Variants in NOVA1 observed in about 807,000 individuals in gnomAD.
NOVA1 encodes NOVA alternative splicing regulator 1.
NOVA1 carries 7 observed loss-of-function variants against 38.0 expected under a neutral mutation model. The observed-to-expected ratio is 0.18, with a 90% CI of 0.10 to 0.35. The LOEUF (loss-of-function observed/expected upper bound fraction) is 0.35. Among genes scored for constraint, NOVA1 ranks in the 10% least tolerant of loss-of-function variants. NOVA1 has a pLI of 1.00. For missense variants in NOVA1, 460 were observed against 616.0 expected, an observed-to-expected ratio of 0.75 and a Z score of 2.68; for synonymous variants, 270 against 232.5, an observed-to-expected ratio of 1.16 and a Z score of -1.47.
chr14:26,521,709 A>G (rs1252889772), intron 2 of NOVA1, among the ~76,000 whole-genome samples: 1 of 152,118 alleles, frequency 6.6e-6, no homozygotes, highest in Non-Finnish European at 1.5e-5. Context: ...GTAAAAGTAG[A>G]TATGTTAGAA....
intron 2 of NOVA1, among the ~76,000 whole-genome samples, chr14:26,541,611 G>A (rs1279650544): frequency 6.7e-6 from 1 of 148,898 alleles, no homozygotes. Context: ...CCCCGAGTAT[G>A]CTTTCAAAAA....
At chr14:26,547,187 A>G (rs1284257395) in intron 2 of NOVA1, among the ~76,000 whole-genome samples, 1 of 152,156 alleles carries the variant, frequency 6.6e-6, no homozygotes, top group Non-Finnish European at 1.5e-5. Context: ...CAAAATTATT[A>G]AGTGAGTGCT....
intron 2 of NOVA1, among the ~76,000 whole-genome samples, chr14:26,501,545 T>C (rs1050471691): frequency 6.6e-6 from 1 of 151,972 alleles, no homozygotes; most frequent in African/African-American, 2.4e-5. Flanking sequence ...ATGTTGGCAA[T>C]ACATATGAAG....
intron 4 of NOVA1, among the ~76,000 whole-genome samples, chr14:26,459,515 C>A (rs543687812): frequency 1.3e-5 from 2 of 152,018 alleles, no homozygotes; most frequent in Admixed American, 6.6e-5. Context: ...CATCATTAAG[C>A]AAATGACTGT....
intron 2 of NOVA1, among the ~76,000 whole-genome samples, chr14:26,522,743 T>C (rs890667441): frequency 6.6e-6 from 1 of 152,144 alleles, no homozygotes; most frequent in African/African-American, 2.4e-5. Context: ...TCTGTGAAAT[T>C]GAGTGAAGTT....
intron 2 of NOVA1, among the ~76,000 whole-genome samples, chr14:26,573,063 T>C (rs1341039859): frequency 6.6e-6 from 1 of 152,086 alleles, no homozygotes; most frequent in Non-Finnish European, 1.5e-5. Flanking sequence ...CAGAATCGAA[T>C]GTAACCCTAA....
intron 2 of NOVA1, among the ~76,000 whole-genome samples, chr14:26,578,836 TAC>T (rs1417094686): frequency 3.3e-5 from 5 of 152,102 alleles, no homozygotes; most frequent in African/African-American, 1.2e-4. Context: ...TCATCCCTAA[TAC>T]AGACTAACAC....
intron 2 of NOVA1, among the ~76,000 whole-genome samples, chr14:26,568,676 G>C (rs919938186): frequency 3.9e-5 from 6 of 152,096 alleles, no homozygotes; most frequent in African/African-American, 1.4e-4. Flanking sequence ...AGAGCAACTA[G>C]AGCATGTAAG....
intron 2 of NOVA1, among the ~76,000 whole-genome samples, chr14:26,565,620 T>G (rs1892090203): frequency 1.3e-5 from 2 of 152,174 alleles, no homozygotes. Flanking sequence ...TGGACCATGG[T>G]TCACTTATTT....
intron 2 of NOVA1, among the ~76,000 whole-genome samples, chr14:26,486,915 T>G (rs1209832734): frequency 6.6e-6 from 1 of 152,030 alleles, no homozygotes; most frequent in African/African-American, 2.4e-5. Flanking sequence ...GCATCTTAAT[T>G]TTTAAAACTA....
chr14:26,595,850 AC>A (rs1294182485), intron 1 of NOVA1: 7 of 344,882 alleles, frequency 2.0e-5, no homozygotes, highest in Non-Finnish European at 3.9e-5. Context: ...GTTATTCCAA[AC>A]ATGGAAATCT....
rs1473060862 is a variant in NOVA1, at chr14:26,447,127, A to C, written c.*832T>G. Reference sequence around the variant, plus strand: ...TTTCACTTTTGTTTATAAAATTTCCAATACACTGTACCACAGTTATGTGTC... The same window carrying C: ...TTTCACTTTTGTTTATAAAATTTCCCATACACTGTACCACAGTTATGTGTC... On this transcript the variant is annotated 3_prime_UTR_variant, in exon 5 of 5. Transcript: ENST00000539517. The C allele has an allele frequency of 3.9e-5, 6 of 152,650 alleles. No individual in the cohort carries two copies. The highest frequency in any genetic ancestry group is 2.9e-5 in the Non-Finnish European group (2 of 68,038). 9.5% of individuals were successfully genotyped at this position (152,650 alleles called of 1,614,324 possible). A position where few individuals can be genotyped will look rare whatever the true frequency, so the allele number is the denominator to read the frequency against.
At chr14:26,493,546 T>C (rs1886522061) in intron 2 of NOVA1, among the ~76,000 whole-genome samples, 2 of 152,336 alleles carry the variant, frequency 1.3e-5, no homozygotes, top group South Asian at 2.1e-4. Flanking sequence ...GGTATATTCA[T>C]GCACTATCAC....
chr14:26,487,549 C>A (rs1409316613), intron 2 of NOVA1, among the ~76,000 whole-genome samples: 3 of 151,962 alleles, frequency 2.0e-5, no homozygotes, highest in Non-Finnish European at 4.4e-5. Flanking sequence ...GAAATGGAAG[C>A]AACTGTGCAA....
chr14:26,495,078 G>A (rs1389410332), intron 2 of NOVA1, among the ~76,000 whole-genome samples: 4 of 151,690 alleles, frequency 2.6e-5, no homozygotes, highest in Non-Finnish European at 4.4e-5. Context: ...TTAGTTCCTG[G>A]GACATGCCAC....
Position 26,444,132 on chromosome 14 carries a change from A to AT in NOVA1, c.*3826dup, listed in dbSNP as rs935828768. 22 of 152,128 alleles carry AT rather than the reference A, an allele frequency of 1.4e-4. No homozygotes were observed. The highest frequency in any genetic ancestry group is 4.8e-4 in the African/African-American group (20 of 41,446). 9.4% of individuals were successfully genotyped at this position (152,128 alleles called of 1,614,324 possible). On this transcript the variant is annotated 3_prime_UTR_variant, in exon 5 of 5. Coordinates refer to ENST00000539517, the MANE Select transcript of NOVA1 (RefSeq NM_002515.3). ...ATTATCAGTACCTTTGTTGAAATCT[A>AT]TTACCACCATTAAAATTTCCAAGGA...
chr14:26,516,788 G>T (rs1888499487), intron 2 of NOVA1, among the ~76,000 whole-genome samples: 1 of 152,130 alleles, frequency 6.6e-6, no homozygotes, highest in African/African-American at 2.4e-5. Flanking sequence ...AAATCATCTA[G>T]CTGTGGTTGT....
rs1881925479 is a variant in NOVA1, at chr14:26,444,538, GAA to G, written c.*3419_*3420del. The G allele has an allele frequency of 6.6e-6, 1 of 151,926 alleles. No homozygotes were observed. 9.4% of individuals were successfully genotyped at this position (151,926 alleles called of 1,614,324 possible). ...GAAGCTGGAAGGAGTCGAATAAGCAGAAAAAAGAGCTTAGATCTATTGTAAGC... is the reference window on the plus strand; with the variant it reads ...GAAGCTGGAAGGAGTCGAATAAGCAGAAAAGAGCTTAGATCTATTGTAAGC... On this transcript the variant is annotated 3_prime_UTR_variant, in exon 5 of 5. Transcript: ENST00000539517.
At chr14:26,453,196 GTATGTATGTATGTATT>G (rs1171767050) in intron 4 of NOVA1, among the ~76,000 whole-genome samples, 2 of 64,206 alleles carry the variant, frequency 3.1e-5, no homozygotes, top group African/African-American at 1.2e-4. Context: ...ATGTATGTAT[GTATGTATGTATGTATT>G]TATTTATTTT....
Sources: allele counts gnomAD v4.1 joint callset (sites outside exome capture counted in the v4.1 genomes callset), GRCh38; gene constraint gnomAD v4.1.1; transcripts MANE v1.5; gene names NCBI Gene and HGNC (gene_info 2026-07-23, HGNC 2026-07-21).